Variants in RABGAP1L observed in about 807,000 individuals in gnomAD.
RABGAP1L encodes rab GTPase-activating protein 1-like.
RABGAP1L carries 63 observed loss-of-function variants against 137.7 expected under a neutral mutation model. The ratio of observed to expected loss-of-function variants is 0.46; its 90% confidence interval spans 0.37 to 0.56. The LOEUF (loss-of-function observed/expected upper bound fraction) is 0.56, where lower values mean the gene tolerates loss of function less well. RABGAP1L is among the 20% of genes least tolerant of loss of function. The pLI, the probability that RABGAP1L is intolerant of heterozygous loss-of-function variation, is 0.00. For synonymous variants in RABGAP1L, 431 were observed against 433.7 expected (o/e 0.99, Z 0.08); for missense variants, 1,095 against 1,244.0 (o/e 0.88, Z 1.80).
chr1:174,680,833 G>A (rs984292817), intron 14 of RABGAP1L, among the ~76,000 whole-genome samples: 4 of 152,098 alleles, frequency 2.6e-5, no homozygotes, highest in African/African-American at 9.7e-5. Context: ...GGCAGAGGCT[G>A]TAGTGATCAT....
intron 13 of RABGAP1L, among the ~76,000 whole-genome samples, chr1:174,540,234 T>G (rs913890948): frequency 5.9e-5 from 9 of 152,210 alleles, no homozygotes; most frequent in Non-Finnish European, 1.2e-4. Context: ...TTTCTCCCAT[T>G]CTGTAGGTTG....
intron 1 of RABGAP1L, among the ~76,000 whole-genome samples, chr1:174,205,761 T>G (rs1371893525): frequency 2.0e-5 from 3 of 152,206 alleles, no homozygotes; most frequent in Admixed American, 1.3e-4. Flanking sequence ...TTTTCTTGTC[T>G]CTATTTACTT....
chr1:174,596,737 G>T (rs577054669), intron 13 of RABGAP1L, among the ~76,000 whole-genome samples: 1 of 152,174 alleles, frequency 6.6e-6, no homozygotes, highest in East Asian at 1.9e-4. Context: ...CTTTAGCTAG[G>T]ATTTCCAGGA....
intron 13 of RABGAP1L, among the ~76,000 whole-genome samples, chr1:174,444,525 C>T (rs1423331320): frequency 6.6e-6 from 1 of 151,920 alleles, no homozygotes; most frequent in Non-Finnish European, 1.5e-5. Flanking sequence ...GGTATTAGTT[C>T]TTCTTTAAGT....
rs1212114686 is a variant in RABGAP1L, at chr1:174,504,829, T to G, written c.1710+110684T>G. On this transcript the variant is annotated intron_variant, in intron 13 of 25. Transcript: ENST00000681986. ...GGTCTGGGCAATGATGTTTTAGATATAATTCCAAAAGCACAAGCAACAGAA... is the reference window on the plus strand; with the variant it reads ...GGTCTGGGCAATGATGTTTTAGATAGAATTCCAAAAGCACAAGCAACAGAA... Among the ~76,000 whole-genome samples, 3 of 152,084 alleles carry G rather than the reference T, an allele frequency of 2.0e-5. No homozygotes were observed. In the East Asian group the frequency reaches 5.8e-4, roughly 29 times the overall value.
chr1:174,258,775 GT>G (rs148580279), intron 7 of RABGAP1L, among the ~76,000 whole-genome samples: 13,578 of 150,930 alleles, frequency 0.09, 828 homozygotes, highest in East Asian at 0.22. Flanking sequence ...AACATTCTGG[GT>G]TTTTTTTTGT....
chr1:174,559,224 A>T (rs1667062449), intron 13 of RABGAP1L, among the ~76,000 whole-genome samples: 1 of 152,204 alleles, frequency 6.6e-6, no homozygotes, highest in African/African-American at 2.4e-5. Flanking sequence ...TATTGCTCAT[A>T]TTATCATAAG....
At chr1:174,955,846 C>T (rs577647314) in intron 19 of RABGAP1L, among the ~76,000 whole-genome samples, 1 of 152,286 alleles carries the variant, frequency 6.6e-6, no homozygotes, top group African/African-American at 2.4e-5. Context: ...CTTTGGGAGG[C>T]TGAGGAAGGA....
chr1:174,976,814 T>C (rs1409198471), intron 22 of RABGAP1L, among the ~76,000 whole-genome samples: 2 of 152,208 alleles, frequency 1.3e-5, no homozygotes, highest in South Asian at 2.1e-4. Context: ...CAGTATAGGA[T>C]AGGGGCAGAG....
At chr1:174,272,155 T>A (rs1674607593) in intron 7 of RABGAP1L, among the ~76,000 whole-genome samples, 1 of 151,972 alleles carries the variant, frequency 6.6e-6, no homozygotes, top group South Asian at 2.1e-4. Context: ...AATTAACAAC[T>A]TATGGCCACT....
intron 13 of RABGAP1L, among the ~76,000 whole-genome samples, chr1:174,614,885 C>T (rs1671652106): frequency 6.6e-6 from 1 of 152,148 alleles, no homozygotes. Context: ...CCTGAGGCTT[C>T]TGCATTCTTC....
intron 13 of RABGAP1L, among the ~76,000 whole-genome samples, chr1:174,504,624 A>G (rs1661646254): frequency 6.6e-6 from 1 of 152,182 alleles, no homozygotes; most frequent in Non-Finnish European, 1.5e-5. Context: ...CACAAGATGG[A>G]AAAGACAGTC....
chr1:174,478,156 A>G (rs1296044811), intron 13 of RABGAP1L, among the ~76,000 whole-genome samples: 1 of 151,964 alleles, frequency 6.6e-6, no homozygotes, highest in Admixed American at 6.6e-5. Context: ...TATCTTTTTG[A>G]ACTTTAGTCC....
rs535405796 is a variant in RABGAP1L at position 174,248,988 on chromosome 1, T to C, written c.718-1487T>C. ...GAGAGATTTGGAGAATCTTTGGTGC[T>C]TCAAGCTCACAAGTTTGTGATGATC... On this transcript the variant is annotated intron_variant, in intron 5 of 25. Coordinates refer to ENST00000681986, the MANE Select transcript of RABGAP1L (RefSeq NM_001366446.1). Among the ~76,000 whole-genome samples, 4 of 152,314 alleles carry C rather than the reference T, an allele frequency of 2.6e-5. No homozygotes were observed. The East Asian group carries it at 7.7e-4, about 29-fold the overall frequency.
chr1:174,806,779 T>C (rs1689343642), intron 18 of RABGAP1L, among the ~76,000 whole-genome samples: 1 of 152,098 alleles, frequency 6.6e-6, no homozygotes, highest in African/African-American at 2.4e-5. Flanking sequence ...TTGACATTCA[T>C]AAAGCTTATT....
At chr1:174,509,062 G>C (rs1215832402) in intron 13 of RABGAP1L, among the ~76,000 whole-genome samples, 11 of 152,178 alleles carry the variant, frequency 7.2e-5, no homozygotes. Context: ...GGTAATTAGA[G>C]CATCTTTGGC....
intron 1 of RABGAP1L, among the ~76,000 whole-genome samples, chr1:174,192,834 A>G (rs1667307386): frequency 6.6e-6 from 1 of 152,218 alleles, no homozygotes; most frequent in Admixed American, 6.5e-5. Context: ...TGGGCAGGAA[A>G]CTAGGCAGGC....
At chr1:174,811,041 G>T (rs1466998227) in intron 18 of RABGAP1L, among the ~76,000 whole-genome samples, 1 of 152,132 alleles carries the variant, frequency 6.6e-6, no homozygotes, top group East Asian at 1.9e-4. Flanking sequence ...GGTTGAGGTT[G>T]CAGGGAGCCA....
chr1:174,678,312 A>T (rs1187301221), intron 14 of RABGAP1L, among the ~76,000 whole-genome samples: 2 of 152,198 alleles, frequency 1.3e-5, no homozygotes, highest in African/African-American at 4.8e-5. Flanking sequence ...TACCAGTCTT[A>T]CGCAAAACTC....
Sources: allele counts gnomAD v4.1 joint callset (sites outside exome capture counted in the v4.1 genomes callset), GRCh38; gene constraint gnomAD v4.1.1; transcripts MANE v1.5; gene names NCBI Gene and HGNC (gene_info 2026-07-23, HGNC 2026-07-21).